The following CD81 variants were observed in gnomAD, a reference collection of about 807,000 sequenced individuals.
The protein encoded by CD81 is CD81 antigen.
Under a neutral mutation model 30.1 loss-of-function variants are expected in CD81, and 10 were observed. That is an observed-to-expected ratio of 0.33 (90% CI 0.21 to 0.56). The LOEUF is 0.56. CD81 is among the 20% of genes least tolerant of loss of function. The pLI, the probability that CD81 is intolerant of heterozygous loss-of-function variation, is 0.89. For missense variants in CD81, 263 were observed against 308.7 expected (o/e 0.85, Z 1.11); for synonymous variants, 147 against 126.4 (o/e 1.16, Z -1.10).
intron 1 of CD81, among the ~76,000 whole-genome samples, chr11:2,379,920 G>C (rs34319144): frequency 4.5e-4 from 68 of 152,314 alleles, no homozygotes; most frequent in Middle Eastern, 6.8e-3. Flanking sequence ...TGGTGTCGCA[G>C]GGTGTGTGGC....
chr11:2,379,900 C>T (rs1487777674), intron 1 of CD81, among the ~76,000 whole-genome samples: 1 of 152,146 alleles, frequency 6.6e-6, no homozygotes, highest in Non-Finnish European at 1.5e-5. Flanking sequence ...TGGTGGACCC[C>T]CCTCCACCCT....
upstream of CD81, chr11:2,376,832 G>T (rs1202772978): frequency 6.6e-6 from 1 of 152,352 alleles, no homozygotes; most frequent in Non-Finnish European, 1.5e-5. Flanking sequence ...TTCCAGCCCC[G>T]GAGAGCAATG....
rs773723806 is a variant in CD81, at chr11:2,394,235, T to TG, written c.279+48dup. 1.5e-5 allele frequency: 21 copies of TG among 1,386,810 alleles called. No individual in the cohort carries two copies. The South Asian group carries it at 2.2e-4, about 15-fold the overall frequency. 85.9% of individuals were successfully genotyped at this position (1,386,810 alleles called of 1,614,324 possible). Reference sequence around the variant, plus strand: ...GCCTGTGCCTGGGCCGGGGAGGGGCTGGGGGCTGCGTCTGGCCCTGAGGAG... The same window carrying TG: ...GCCTGTGCCTGGGCCGGGGAGGGGCTGGGGGGCTGCGTCTGGCCCTGAGGAG... On this transcript the variant is annotated intron_variant, in intron 3 of 7. Transcript: ENST00000263645.
intron 1 of CD81, among the ~76,000 whole-genome samples, chr11:2,382,302 TAA>T (rs1849718348): frequency 6.6e-6 from 1 of 152,216 alleles, no homozygotes; most frequent in Non-Finnish European, 1.5e-5. Flanking sequence ...ACAGAGCTTG[TAA>T]GCGCCTCTCT....
chr11:2,391,020 G>T (rs1186145026), intron 2 of CD81: 1 of 239,256 alleles, frequency 4.2e-6, no homozygotes, highest in Non-Finnish European at 8.3e-6. Context: ...GCACCTTGCT[G>T]CCTTATTAGG....
rs184194610 is a variant in CD81 at position 2,389,074 on chromosome 11, G to A, written c.67-1338G>A. Among the ~76,000 whole-genome samples the A allele has an allele frequency of 3.5e-3, 538 of 152,244 alleles. 3 individuals carry two copies. The highest frequency in any genetic ancestry group is 6.9e-3 in the Admixed American group (106 of 15,306). On this transcript the variant is annotated intron_variant, in intron 1 of 7. Coordinates refer to ENST00000263645, the MANE Select transcript of CD81 (RefSeq NM_004356.4). ...AACAAGGGCCTCCTGCTGTGGGCCA[G>A]GGACCCTGGAACTGACCAATTGTGT...
At chr11:2,385,747 G>A (rs567535154) in intron 1 of CD81, 7 of 496,720 alleles carry the variant, frequency 1.4e-5, no homozygotes, top group South Asian at 3.3e-5. Flanking sequence ...TTTTATTGCC[G>A]GGCAGGGTTG....
At position 2,396,721 on chromosome 11, in the gene CD81, G is replaced by A. The variant is rs1251253522; in HGVS notation, c.648+7G>A. The stretch of plus-strand genomic sequence containing the variant: ...CGTGGTCGCTGTGATCATGGTGAGC[G>A]GGCGGGGGCGGAGGGCCTGCTCTCT... On this transcript the variant is annotated splice_region_variant and intron_variant, in intron 7 of 7. Coordinates refer to ENST00000263645, the MANE Select transcript of CD81 (RefSeq NM_004356.4). 9.9e-6 allele frequency: 16 copies of A among 1,611,430 alleles called. No individual in the cohort carries two copies. The highest frequency in any genetic ancestry group is 2.2e-5 in the East Asian group (1 of 44,878).
chr11:2,380,900 A>G (rs536574649), intron 1 of CD81, among the ~76,000 whole-genome samples: 6 of 152,322 alleles, frequency 3.9e-5, no homozygotes, highest in East Asian at 3.9e-4. Flanking sequence ...TGCAGCTGGT[A>G]GCCACCTCCC....
chr11:2,377,553 G>A lies in CD81; in HGVS notation c.4G>A (p.Gly2Arg). 6.8e-7 allele frequency: 1 copy of A among 1,464,102 alleles called. No individual in the cohort carries two copies. The highest frequency in any genetic ancestry group is 9.1e-7 in the Non-Finnish European group (1 of 1,096,696). The allele number at this position is 1,464,102 out of a possible 1,614,324, so 90.7% of individuals were successfully genotyped here. The change falls in exon 1 of 8, where the codon GGA (glycine) becomes AGA (arginine). Residue 2 changes from glycine to arginine, a missense_variant. Physicochemically the swap from Gly to Arg is moderately radical, Grantham distance 125. Coordinates refer to ENST00000263645, the MANE Select transcript of CD81 (RefSeq NM_004356.4). The surrounding 1 kb of genome is among the most constrained non-coding windows in gnomAD (Gnocchi z 7.7). MGVEGCTKCIKY... is the reference protein window; with the variant it reads MRVEGCTKCIKY... Reference sequence around the variant, plus strand: ...GCCGCCCGCCGCCCGCGCCGCCATGGGAGTGGAGGGCTGCACCAAGTGCAT... The same window carrying A: ...GCCGCCCGCCGCCCGCGCCGCCATGAGAGTGGAGGGCTGCACCAAGTGCAT...
chr11:2,377,217 G>A (rs913212375), upstream of CD81: 8 of 152,746 alleles, frequency 5.2e-5, no homozygotes, highest in African/African-American at 1.9e-4. This position sits in a 1 kb window ranked among gnomAD's most constrained non-coding sequence, Gnocchi z 7.7. Context: ...CAGGAGGCGG[G>A]GCCGGGGGCG....
rs1195035162 is a variant in CD81, at chr11:2,378,571, G to A, written c.66+956G>A. 1.3e-5 allele frequency among the ~76,000 whole-genome samples: 2 copies of A among 152,090 alleles called. No individual in the cohort carries two copies. Among genetic ancestry groups the A allele is most frequent in the African/African-American group, 4.8e-5 (2 of 41,332 alleles). On this transcript the variant is annotated intron_variant, in intron 1 of 7. Transcript: ENST00000263645. The surrounding 1 kb of genome is among the most constrained non-coding windows in gnomAD (Gnocchi z 4.9). Reference sequence around the variant, plus strand: ...GCTGGGAAGTGACTGATGGGCTTTCGCCTTTTGTTTCCATTTCCTGTCGGT... The same window carrying A: ...GCTGGGAAGTGACTGATGGGCTTTCACCTTTTGTTTCCATTTCCTGTCGGT...
intron 1 of CD81, among the ~76,000 whole-genome samples, chr11:2,382,308 C>T (rs1232074757): frequency 6.6e-6 from 1 of 152,218 alleles, no homozygotes; most frequent in Non-Finnish European, 1.5e-5. Flanking sequence ...CTTGTAAGCG[C>T]CTCTCTCCAG....
rs1989896 is a variant in CD81, at chr11:2,394,062, T to C, written c.182-33T>C. On this transcript the variant is annotated intron_variant, in intron 2 of 7. Coordinates refer to ENST00000263645, the MANE Select transcript of CD81 (RefSeq NM_004356.4). ...GGGGTCTTGGGCTGTGGCGAGTGTG[T>C]AGGCACCCACCTGGTGTCTCTCTCC... The C allele has an allele frequency of 6.1e-3, 9,283 of 1,533,166 alleles. 420 individuals are homozygous for C. In the African/African-American group the frequency reaches 0.1, roughly 17 times the overall value. 95.0% of individuals were successfully genotyped at this position (1,533,166 alleles called of 1,614,324 possible). A position where few individuals can be genotyped will look rare whatever the true frequency, so the allele number is the denominator to read the frequency against.
intron 1 of CD81, chr11:2,386,413 A>C (rs1589848710): frequency 3.1e-6 from 2 of 652,716 alleles, no homozygotes; most frequent in East Asian, 5.5e-5. Context: ...GGGCAGGGGC[A>C]CCTGTGCCTT....
intron 5 of CD81, 81 bp downstream of exon 5, chr11:2,395,601 T>A: frequency 1.8e-6 from 2 of 1,122,970 alleles, no homozygotes; most frequent in Non-Finnish European, 2.7e-6. Flanking sequence ...GAATCCTGCC[T>A]ACGCCCAGAC....
chr11:2,386,279 G>C lies in CD81; in HGVS notation c.67-4133G>C. The C allele has an allele frequency of 6.0e-6, 4 of 667,742 alleles. No homozygotes were observed. In the South Asian group the frequency reaches 6.8e-5, roughly 11 times the overall value. 41.4% of individuals were successfully genotyped at this position (667,742 alleles called of 1,614,324 possible). A position where few individuals can be genotyped will look rare whatever the true frequency, so the allele number is the denominator to read the frequency against. ...GTTTTCTTGCTGTTGAGTTTGGAAA[G>C]CTCTGCATACGTTCAGGGCACAGGT... On this transcript the variant is annotated intron_variant, in intron 1 of 7. Transcript: ENST00000263645.
intron 6 of CD81, 162 bp downstream of exon 6, chr11:2,396,132 G>A (rs1173750080): frequency 1.2e-5 from 8 of 669,040 alleles, no homozygotes; most frequent in African/African-American, 1.8e-5. Context: ...GGGTGGGACC[G>A]CATCTGGCCC....
chr11:2,396,746 T>C (rs997524653), intron 7 of CD81, 32 bp downstream of exon 7: 2 of 1,611,404 alleles, frequency 1.2e-6, no homozygotes, highest in African/African-American at 2.7e-5. Context: ...GCCTGCTCTC[T>C]GGGCTGCCCC....
Sources: gnomAD v4.1 joint callset for allele counts (sites outside exome capture counted in the v4.1 genomes callset) on GRCh38, gnomAD v4.1.1 for gene constraint, Gnocchi (gnomAD v3.1) non-coding constraint, MANE v1.5 for transcripts, NCBI Gene and HGNC (gene_info 2026-07-23, HGNC 2026-07-21) for gene names.